The following NHSL2 variants were observed in gnomAD, a reference collection of about 807,000 sequenced individuals.
The protein encoded by NHSL2 is NHS-like protein 2.
NHSL2 carries 27 observed loss-of-function variants against 53.4 expected under a neutral mutation model. That is an observed-to-expected ratio of 0.51 (90% CI 0.37 to 0.70). The LOEUF (loss-of-function observed/expected upper bound fraction) is 0.70. Ranked by LOEUF, NHSL2 falls within the 30% of genes least tolerant of loss-of-function variation. The pLI is 0.00. For missense variants in NHSL2, 892 were observed against 980.1 expected (o/e 0.91, Z 1.20); for synonymous variants, 408 against 404.1 (o/e 1.01, Z -0.12).
chrX:71,957,230 A>G (rs2041846587), intron 1 of NHSL2, among the ~76,000 whole-genome samples: 1 of 111,995 alleles, frequency 8.9e-6, no homozygotes, highest in South Asian at 3.7e-4. Flanking sequence ...CAATCCCCCA[A>G]GGGGACCTGT....
intron 1 of NHSL2, among the ~76,000 whole-genome samples, chrX:71,983,071 G>C (rs996803137): frequency 1.8e-5 from 2 of 111,410 alleles, no homozygotes; most frequent in African/African-American, 6.5e-5. Context: ...GTCTACTGTA[G>C]AATTGATTGC....
chrX:72,132,218 C>T lies in NHSL2; in HGVS notation c.420C>T (p.Leu140=). Residue 140 remains leucine (L), a synonymous_variant, in exon 2 of 8, where the codon CTC becomes CTT. Coordinates refer to ENST00000633930, the MANE Select transcript of NHSL2 (RefSeq NM_001013627.3). ...TGCTTCGGGAGGCGCAGCTCAATCT[C>T]CAGAGCCTGTTGCAAGGTACCGAGA... ...EELLREAQLN[L]QSLLQEEYEE... The T allele has an allele frequency of 8.6e-7, 1 of 1,160,318 alleles. No homozygotes were observed. The highest frequency in any genetic ancestry group is 1.2e-6 in the Non-Finnish European group (1 of 868,971).
At position 72,138,394 on chromosome X, in the gene NHSL2, G is replaced by A. The variant is rs570727574; in HGVS notation, c.893-47G>A. On this transcript the variant is annotated intron_variant, in intron 5 of 7. Coordinates refer to ENST00000633930, the MANE Select transcript of NHSL2 (RefSeq NM_001013627.3). ...TGCTCCTGTCTCAAAACAGCTGGTGGGAGATCCCTTGCTGTAGCACTCATG... is the reference window on the plus strand; with the variant it reads ...TGCTCCTGTCTCAAAACAGCTGGTGAGAGATCCCTTGCTGTAGCACTCATG... 17 of 1,015,748 alleles carry A rather than the reference G, an allele frequency of 1.7e-5. No individual in the cohort carries two copies. The African/African-American group carries it at 1.7e-4, about 10-fold the overall frequency. The allele number at this position is 1,015,748 out of a possible 1,213,427, so 83.7% of individuals were successfully genotyped here. A position where few individuals can be genotyped will look rare whatever the true frequency, so the allele number is the denominator to read the frequency against.
chrX:71,977,609 C>T (rs1358536132), intron 1 of NHSL2, among the ~76,000 whole-genome samples: 3 of 110,656 alleles, frequency 2.7e-5, no homozygotes, highest in East Asian at 2.8e-4. Context: ...GACAGGCTTT[C>T]GTCATGTTGC....
chrX:71,977,757 C>T (rs2041955146), intron 1 of NHSL2, among the ~76,000 whole-genome samples: 1 of 112,035 alleles, frequency 8.9e-6, no homozygotes, highest in Admixed American at 9.5e-5. Flanking sequence ...AAGACCATGG[C>T]CGCACCTTCT....
At chrX:71,978,079 A>G (rs960783812) in intron 1 of NHSL2, among the ~76,000 whole-genome samples, 8 of 112,279 alleles carry the variant, frequency 7.1e-5, no homozygotes, top group African/African-American at 2.6e-4. Context: ...CAACTCTATC[A>G]TGGGGTTGTT....
intron 1 of NHSL2, among the ~76,000 whole-genome samples, chrX:72,013,901 A>G (rs1321481958): frequency 1.8e-5 from 2 of 111,910 alleles, no homozygotes; most frequent in African/African-American, 3.2e-5. Context: ...TTAGCATACA[A>G]TTCTTTAAAC....
chrX:71,995,512 C>T (rs895689119), intron 1 of NHSL2, among the ~76,000 whole-genome samples: 2 of 112,021 alleles, frequency 1.8e-5, no homozygotes, highest in Non-Finnish European at 3.8e-5. Flanking sequence ...GCCACACTGG[C>T]CTCCTCACTG....
At chrX:71,947,577 A>T (rs1437632418) in intron 1 of NHSL2, among the ~76,000 whole-genome samples, 2 of 111,946 alleles carry the variant, frequency 1.8e-5, no homozygotes, top group African/African-American at 3.2e-5. Flanking sequence ...TATTCATTGA[A>T]TGCCTCCTGG....
intron 1 of NHSL2, among the ~76,000 whole-genome samples, chrX:72,092,293 A>G (rs1482960286): frequency 9.0e-6 from 1 of 111,714 alleles, no homozygotes; most frequent in Non-Finnish European, 1.9e-5. Context: ...CCCATTCTCC[A>G]TGGCTCTGCT....
In NHSL2 at chrX:72,143,347, T is replaced by A. The variant is rs2042434733; in HGVS notation, c.3451T>A (p.Ser1151Thr). 1.7e-6 allele frequency: 2 copies of A among 1,164,783 alleles called. No homozygotes were observed. Among genetic ancestry groups the A allele is most frequent in the Non-Finnish European group, 1.1e-6 (1 of 871,446 alleles). ...CTCACCAATAAAGAACACAGCTGAG[T>A]CTCCAATCAGTGAGTCTACCGCCAC... ...SHSPIKNTAE[S>T]PISESTATAG... The change falls in exon 8 of 8, where the codon TCT becomes ACT. Residue 1151 changes from serine (S) to threonine (T), a missense_variant. Coordinates refer to ENST00000633930, the MANE Select transcript of NHSL2 (RefSeq NM_001013627.3).
At chrX:71,992,029 A>T (rs751550082) in intron 1 of NHSL2, among the ~76,000 whole-genome samples, 2 of 113,092 alleles carry the variant, frequency 1.8e-5, no homozygotes, top group South Asian at 3.6e-4. Flanking sequence ...TCACTGGGAG[A>T]TGCTAGACAA....
chrX:72,061,534 T>C (rs896578175), intron 1 of NHSL2, among the ~76,000 whole-genome samples: 1 of 112,204 alleles, frequency 8.9e-6, no homozygotes, highest in Non-Finnish European at 1.9e-5. Flanking sequence ...GCCCATCATC[T>C]TTTGCCTGGA....
rs5991855 is a variant in NHSL2, at chrX:71,929,582, G to A, written c.280+18215G>A. On this transcript the variant is annotated intron_variant, in intron 1 of 7. Transcript: ENST00000633930. ...AGAATCCCTGTCCTAAGGCAAAGCCGAAGCTGGAGAACTGACCCAGCATGG... is the reference window on the plus strand; with the variant it reads ...AGAATCCCTGTCCTAAGGCAAAGCCAAAGCTGGAGAACTGACCCAGCATGG... Among the ~76,000 whole-genome samples, 316 of 112,157 alleles carry A rather than the reference G, an allele frequency of 2.8e-3. 2 individuals are homozygous for A. The highest frequency in any genetic ancestry group is 9.7e-3 in the African/African-American group (299 of 30,889).
At chrX:71,977,558 C>T (rs1238747797) in intron 1 of NHSL2, among the ~76,000 whole-genome samples, 2 of 110,359 alleles carry the variant, frequency 1.8e-5, no homozygotes, top group Non-Finnish European at 3.8e-5. Context: ...GTAGCTGGGA[C>T]TACAGGTGTG....
At chrX:71,955,809 T>TA (rs2041840487) in intron 1 of NHSL2, among the ~76,000 whole-genome samples, 1 of 109,673 alleles carries the variant, frequency 9.1e-6, no homozygotes, top group Admixed American at 9.7e-5. Context: ...TTTTTTTTTT[T>TA]AGTTTTCATT....
At chrX:72,089,044 C>T (rs1284764694) in intron 1 of NHSL2, among the ~76,000 whole-genome samples, 18 of 111,328 alleles carry the variant, frequency 1.6e-4, no homozygotes, top group African/African-American at 5.9e-4. Flanking sequence ...CATTTCCTGT[C>T]CTCCAGGGAC....
Position 72,140,364 on chromosome X carries a change from G to A in NHSL2, c.2816G>A (p.Gly939Glu). 8.3e-7 allele frequency: 1 copy of A among 1,211,271 alleles called. No homozygotes were observed. The highest frequency in any genetic ancestry group is 3.0e-5 in the East Asian group (1 of 33,829). Reference protein sequence around the residue: ...PSSFPDGRSPGESTAPSSLVF... With the variant: ...PSSFPDGRSPEESTAPSSLVF... ...AGCTTCCCAGATGGCAGAAGCCCAG[G>A]GGAGTCAACAGCACCCTCATCTCTT... is the stretch of plus-strand genomic sequence containing the variant. Residue 939 changes from glycine to glutamate, a missense_variant, in exon 6 of 8, where the codon GGG becomes GAG. Transcript: ENST00000633930.
rs763850821 is a variant in NHSL2, at chrX:71,910,924, C to G, written c.-164C>G. ...GCGAGGAACCCGTCAGCCCGCCTAC[C>G]CGCCCGTCGTCTTTGGCGCCCGCAC... is the stretch of plus-strand genomic sequence containing the variant. On this transcript the variant is annotated 5_prime_UTR_variant, in exon 1 of 8. Coordinates refer to ENST00000633930, the MANE Select transcript of NHSL2 (RefSeq NM_001013627.3). 626 of 304,103 alleles carry G rather than the reference C, an allele frequency of 2.1e-3. 2 individuals carry two copies. Among genetic ancestry groups the G allele is most frequent in the African/African-American group, 0.016 (564 of 35,663 alleles). 25.1% of individuals were successfully genotyped at this position (304,103 alleles called of 1,213,427 possible). A position where few individuals can be genotyped will look rare whatever the true frequency, so the allele number is the denominator to read the frequency against.
Sources: gnomAD v4.1 joint callset for allele counts (sites outside exome capture counted in the v4.1 genomes callset) on GRCh38, gnomAD v4.1.1 for gene constraint, MANE v1.5 for transcripts, NCBI Gene and HGNC (gene_info 2026-07-23, HGNC 2026-07-21) for gene names.